RILPL1: variants seen among roughly 807,000 people sequenced by gnomAD.
RILPL1 encodes Rab interacting lysosomal protein like 1, also known as RILP-like protein 1.
In RILPL1, 33 loss-of-function variants were observed where a neutral mutation model predicts 50.3. The observed-to-expected ratio is 0.66, with a 90% CI of 0.50 to 0.88. RILPL1 has a LOEUF of 0.88. RILPL1 is among the 40% of genes least tolerant of loss of function. RILPL1 has a pLI of 0.00. For synonymous variants in RILPL1, 205 were observed against 228.6 expected (o/e 0.90, Z 0.93); for missense variants, 418 against 542.5 (o/e 0.77, Z 2.28).
At chr12:123,504,658 T>C (rs1193467366) in intron 2 of RILPL1, among the ~76,000 whole-genome samples, 1 of 152,198 alleles carries the variant, frequency 6.6e-6, no homozygotes, top group Non-Finnish European at 1.5e-5. Flanking sequence ...TAAACTGCTT[T>C]ACACCCTGGA....
At position 123,485,713 on chromosome 12, in the gene RILPL1, C is replaced by G; in HGVS notation, c.894G>C (p.Glu298Asp). The change falls in exon 5 of 7, where the codon GAG becomes GAC. Residue 298 changes from glutamate (E) to aspartate (D), a missense_variant. Coordinates refer to ENST00000376874, the MANE Select transcript of RILPL1 (RefSeq NM_178314.5). This position sits in a 1 kb window ranked among gnomAD's most constrained non-coding sequence, Gnocchi z 4.0. ...TCCTCTCGTGCAGCACGTCCCGCAG[C>G]TCCTGCAGGGTGAACCGGGGGCGGT... ...DPNRPRFTLQ[E>D]LRDVLHERNE... The G allele has an allele frequency of 6.2e-7, 1 of 1,613,618 alleles. No homozygotes were observed. The highest frequency in any genetic ancestry group is 1.1e-5 in the South Asian group (1 of 91,050).
At chr12:123,509,311 G>A (rs986574878) in intron 2 of RILPL1, among the ~76,000 whole-genome samples, 1 of 152,100 alleles carries the variant, frequency 6.6e-6, no homozygotes, top group East Asian at 1.9e-4. Context: ...CGCCTACAAC[G>A]CCTGCACTTT....
chr12:123,524,439 G>A (rs1368606354), intron 1 of RILPL1, among the ~76,000 whole-genome samples: 2 of 152,106 alleles, frequency 1.3e-5, no homozygotes, highest in Non-Finnish European at 2.9e-5. Context: ...TCCTTGGATC[G>A]GCTCAAGAGG....
At chr12:123,517,571 G>A (rs1361372521) in intron 2 of RILPL1, among the ~76,000 whole-genome samples, 2 of 151,856 alleles carry the variant, frequency 1.3e-5, no homozygotes, top group Non-Finnish European at 2.9e-5. Flanking sequence ...ACAGGTGCAC[G>A]CCACCACACC....
rs547891537 is a variant in RILPL1, at chr12:123,494,366, A to G, written c.801+4178T>C. Among the ~76,000 whole-genome samples, 13 of 152,340 alleles carry G rather than the reference A, an allele frequency of 8.5e-5. No homozygotes were observed. In the East Asian group the frequency reaches 2.3e-3, roughly 27 times the overall value. ...AGCTGCCCCGAGCCTGGGAAAGCGC[A>G]CTGCAAAGCAGCCTGGAGGGTTCAC... On this transcript the variant is annotated intron_variant, in intron 4 of 6. Transcript: ENST00000376874.
chr12:123,473,597 C>T lies in RILPL1; in HGVS notation c.1068-915G>A, dbSNP rs531874369. On this transcript the variant is annotated intron_variant, in intron 6 of 6. Coordinates refer to ENST00000376874, the MANE Select transcript of RILPL1 (RefSeq NM_178314.5). Reference sequence around the variant, plus strand: ...ATAAAATTAGGGAAACATCCATTTGCACTTTCAAAAATAGATCTAATGGTG... The same window carrying T: ...ATAAAATTAGGGAAACATCCATTTGTACTTTCAAAAATAGATCTAATGGTG... The T allele has an allele frequency of 5.3e-5, 8 of 152,094 alleles. No individual in the cohort carries two copies. In the East Asian group the frequency reaches 1.4e-3, roughly 26 times the overall value. 9.4% of individuals were successfully genotyped at this position (152,094 alleles called of 1,614,324 possible). A position where few individuals can be genotyped will look rare whatever the true frequency, so the allele number is the denominator to read the frequency against.
At chr12:123,520,959 G>T (rs1318410526) in intron 2 of RILPL1, among the ~76,000 whole-genome samples, 1 of 152,206 alleles carries the variant, frequency 6.6e-6, no homozygotes, top group East Asian at 1.9e-4. Flanking sequence ...AAGGGTCCCA[G>T]AGAGACAGAA....
intron 2 of RILPL1, among the ~76,000 whole-genome samples, chr12:123,512,418 GGTGT>G: frequency 7.2e-6 from 1 of 139,134 alleles, no homozygotes. Context: ...GTGTGTGTGT[GGTGT>G]GTCTGAGGTC....
At chr12:123,529,813 G>A (rs940140225) in intron 1 of RILPL1, among the ~76,000 whole-genome samples, 1 of 151,294 alleles carries the variant, frequency 6.6e-6, no homozygotes, top group Non-Finnish European at 1.5e-5. Context: ...GTTCAGGGCT[G>A]CAGGGAGCCG....
At position 123,472,455 on chromosome 12, in the gene RILPL1, G is replaced by A. The variant is rs1175263988; in HGVS notation, c.*83C>T. The A allele has an allele frequency of 4.8e-6, 7 of 1,460,322 alleles. No individual in the cohort carries two copies. The highest frequency in any genetic ancestry group is 6.5e-6 in the Non-Finnish European group (7 of 1,072,592). The allele number at this position is 1,460,322 out of a possible 1,614,324, so 90.5% of individuals were successfully genotyped here. A position where few individuals can be genotyped will look rare whatever the true frequency, so the allele number is the denominator to read the frequency against. Reference sequence around the variant, plus strand: ...GGTGCATCTGCACCGAGAGGCTTGAGGCAGCAATGACCCCTGGGCTGCAGT... The same window carrying A: ...GGTGCATCTGCACCGAGAGGCTTGAAGCAGCAATGACCCCTGGGCTGCAGT... On this transcript the variant is annotated 3_prime_UTR_variant, in exon 7 of 7. Transcript: ENST00000376874.
chr12:123,501,905 G>A (rs1309946486), intron 2 of RILPL1, among the ~76,000 whole-genome samples: 1 of 151,002 alleles, frequency 6.6e-6, no homozygotes, highest in East Asian at 1.9e-4. Context: ...GAGAAACCCC[G>A]TCTCTACTAA....
At chr12:123,521,563 TAATA>T (rs1470671403) in intron 2 of RILPL1, among the ~76,000 whole-genome samples, 1 of 45,422 alleles carries the variant, frequency 2.2e-5, no homozygotes, top group Non-Finnish European at 4.0e-5. Context: ...GTATATATAT[TAATA>T]TATATACACA....
intron 2 of RILPL1, among the ~76,000 whole-genome samples, chr12:123,512,735 TGTG>T (rs1171808540): frequency 7.1e-6 from 1 of 141,016 alleles, no homozygotes; most frequent in Non-Finnish European, 1.5e-5. Flanking sequence ...GTGTGTGGTG[TGTG>T]AAGTTTGTGT....
At chr12:123,521,532 A>T (rs1490268277) in intron 2 of RILPL1, among the ~76,000 whole-genome samples, 1 of 138,044 alleles carries the variant, frequency 7.2e-6, no homozygotes, top group Admixed American at 7.5e-5. Context: ...TATATATATA[A>T]ATATATGTAT....
Position 123,523,479 on chromosome 12 carries a change from G to A in RILPL1, c.460+16C>T, listed in dbSNP as rs1885140756. 1.2e-6 allele frequency: 2 copies of A among 1,613,820 alleles called. No individual in the cohort carries two copies. The highest frequency in any genetic ancestry group is 1.7e-5 in the Admixed American group (1 of 60,008). ...GAATGGCCGGCCCCCTTGCATTGGC[G>A]CCGACCCCCACTTACCTTCATGCTT... On this transcript the variant is annotated intron_variant, in intron 2 of 6. Coordinates refer to ENST00000376874, the MANE Select transcript of RILPL1 (RefSeq NM_178314.5).
intron 2 of RILPL1, among the ~76,000 whole-genome samples, chr12:123,503,987 C>T (rs367659031): frequency 1.5e-5 from 2 of 133,268 alleles, no homozygotes; most frequent in South Asian, 2.3e-4. Flanking sequence ...GGTGATAGAG[C>T]GAGACTCTAT....
chr12:123,519,597 C>A (rs1212582624), intron 2 of RILPL1: 1 of 152,508 alleles, frequency 6.6e-6, no homozygotes, highest in Admixed American at 6.5e-5. Context: ...CTCTGCCCAG[C>A]ACATTCTTAG....
At chr12:123,505,888 G>A (rs975053107) in intron 2 of RILPL1, among the ~76,000 whole-genome samples, 1 of 152,200 alleles carries the variant, frequency 6.6e-6, no homozygotes, top group East Asian at 1.9e-4. Flanking sequence ...GCCTCCCGAA[G>A]GGCCCTGATG....
chr12:123,506,508 C>T (rs1476598640), intron 2 of RILPL1, among the ~76,000 whole-genome samples: 2 of 152,050 alleles, frequency 1.3e-5, no homozygotes, highest in Admixed American at 6.6e-5. Flanking sequence ...CAGGGGTGGG[C>T]GTCCTCTGTA....
Sources: allele counts gnomAD v4.1 joint callset (sites outside exome capture counted in the v4.1 genomes callset), GRCh38; gene constraint gnomAD v4.1.1; non-coding constraint Gnocchi (gnomAD v3.1); transcripts MANE v1.5; gene names NCBI Gene and HGNC (gene_info 2026-07-23, HGNC 2026-07-21).